The following CUX1 variants were observed in gnomAD, a reference collection of about 807,000 sequenced individuals.
CUX1 encodes protein CASP.
In CUX1, 31 loss-of-function variants were observed where a neutral mutation model predicts 158.8. The observed-to-expected ratio is 0.20, with a 90% CI of 0.15 to 0.26. The LOEUF (loss-of-function observed/expected upper bound fraction) is 0.26, where lower values mean the gene tolerates loss of function less well. Among genes scored for constraint, CUX1 ranks in the 10% least tolerant of loss-of-function variants. The probability of loss-of-function intolerance (pLI) is 1.00; values close to 1 mark genes in which losing one functional copy is unlikely to be tolerated. For synonymous variants in CUX1, 879 were observed against 862.1 expected, an observed-to-expected ratio of 1.02 and a Z score of -0.34; for missense variants, 1,589 against 2,014.6, an observed-to-expected ratio of 0.79 and a Z score of 4.04.
At chr7:101,901,797 G>A (rs1270337822) in intron 1 of CUX1, among the ~76,000 whole-genome samples, 3 of 152,218 alleles carry the variant, frequency 2.0e-5, no homozygotes, top group Non-Finnish European at 4.4e-5. Flanking sequence ...ACAGGCCCGC[G>A]GGTGGCTTCC....
intron 19 of CUX1, chr7:102,280,769 T>C (rs1398169877): frequency 6.2e-7 from 1 of 1,609,518 alleles, no homozygotes; most frequent in Non-Finnish European, 8.5e-7. Flanking sequence ...GTGAGGTCCT[T>C]TGGGGTCCTT....
intron 1 of CUX1, among the ~76,000 whole-genome samples, chr7:101,889,754 A>C (rs1029640289): frequency 1.3e-4 from 20 of 152,364 alleles, no homozygotes; most frequent in African/African-American, 4.8e-4. Context: ...CCTGGGCGAC[A>C]GAGCAAGACT....
At chr7:102,095,405 T>C (rs781965257) in intron 4 of CUX1, among the ~76,000 whole-genome samples, 30 of 152,170 alleles carry the variant, frequency 2.0e-4, no homozygotes, top group Non-Finnish European at 3.8e-4. Flanking sequence ...GATGCAATTA[T>C]AGGCTGTGTA....
Position 101,895,898 on chromosome 7 carries a change from TTTTGTTTTTG to T in CUX1, c.31-20213_31-20204del, listed in dbSNP as rs1368680216. 5.9e-4 allele frequency among the ~76,000 whole-genome samples: 39 copies of T among 65,744 alleles called. 4 individuals carry two copies. Among genetic ancestry groups the T allele is most frequent in the South Asian group, 2.1e-3 (3 of 1,452 alleles). The allele number at this position is 65,744 out of a possible 152,430, so 43.1% of individuals were successfully genotyped here. A position where few individuals can be genotyped will look rare whatever the true frequency, so the allele number is the denominator to read the frequency against. ...CCTTGTATCACCTGTAAAGTTTTTT[TTTTGTTTTTG>T]TTTTTTTTTTTTTTTTTTGGAGACA... On this transcript the variant is annotated intron_variant, in intron 1 of 23. Transcript: ENST00000292535.
chr7:102,182,845 G>A (rs1044216838), intron 11 of CUX1, among the ~76,000 whole-genome samples: 1 of 152,100 alleles, frequency 6.6e-6, no homozygotes, highest in South Asian at 2.1e-4. Context: ...CAATAGCTTC[G>A]ATTTAAAATA....
intron 20 of CUX1, among the ~76,000 whole-genome samples, chr7:102,211,306 C>A (rs1796490402): frequency 6.6e-6 from 1 of 151,572 alleles, no homozygotes; most frequent in South Asian, 2.1e-4. Context: ...ATAAGTCAGG[C>A]ATGGTGGCTT....
chr7:102,020,060 C>T (rs559798451), intron 2 of CUX1, among the ~76,000 whole-genome samples: 32 of 152,302 alleles, frequency 2.1e-4, no homozygotes, highest in African/African-American at 7.7e-4. Context: ...GAACAGTAAT[C>T]TAAATTGACT....
At chr7:102,021,173 T>C (rs1819293610) in intron 2 of CUX1, among the ~76,000 whole-genome samples, 2 of 152,228 alleles carry the variant, frequency 1.3e-5, no homozygotes, top group African/African-American at 4.8e-5. Flanking sequence ...GTCCCACCCC[T>C]GAACTGTCAC....
At chr7:102,277,521 G>A (rs563817262) in intron 17 of CUX1, among the ~76,000 whole-genome samples, 19 of 152,038 alleles carry the variant, frequency 1.2e-4, no homozygotes, top group South Asian at 6.2e-4. Flanking sequence ...GCTTGAACCC[G>A]GGAGGCAGAG....
At chr7:101,990,089 T>C (rs1310348069) in intron 2 of CUX1, among the ~76,000 whole-genome samples, 1 of 152,150 alleles carries the variant, frequency 6.6e-6, no homozygotes, top group East Asian at 1.9e-4. Context: ...GCGGGTGCAG[T>C]GGCTCACACC....
intron 1 of CUX1, chr7:101,819,066 G>A (rs1258841001): frequency 6.6e-6 from 1 of 152,148 alleles, no homozygotes; most frequent in African/African-American, 2.4e-5. Flanking sequence ...CTGCTGCCTT[G>A]GCACAGGAGT....
chr7:101,866,461 G>A (rs1212339665), intron 1 of CUX1, among the ~76,000 whole-genome samples: 11 of 150,694 alleles, frequency 7.3e-5, no homozygotes, highest in Admixed American at 6.6e-4. Context: ...TGAGTGAGAC[G>A]CTGTCTCAAC....
At chr7:102,152,292 G>A (rs1835778079) in intron 8 of CUX1, among the ~76,000 whole-genome samples, 1 of 152,156 alleles carries the variant, frequency 6.6e-6, no homozygotes, top group African/African-American at 2.4e-5. Flanking sequence ...AGAGTTGGAG[G>A]CTGCAGTGAG....
intron 2 of CUX1, among the ~76,000 whole-genome samples, chr7:101,951,964 C>T (rs1031122260): frequency 2.0e-5 from 3 of 152,164 alleles, no homozygotes; most frequent in South Asian, 2.1e-4. Context: ...AAATGGTGGG[C>T]GTGGCTGTAT....
chr7:102,188,834 AAAG>A (rs1442601184), intron 11 of CUX1: 2 of 151,954 alleles, frequency 1.3e-5, no homozygotes, highest in South Asian at 2.1e-4. Context: ...AAAAAAAAAA[AAAG>A]GATTAAAAAG....
chr7:101,910,805 T>C (rs998965961), intron 1 of CUX1, among the ~76,000 whole-genome samples: 2 of 152,084 alleles, frequency 1.3e-5, no homozygotes, highest in Non-Finnish European at 2.9e-5. Flanking sequence ...TAAATACTTA[T>C]TTGGGAAAAA....
chr7:102,275,370 T>C lies in CUX1; in HGVS notation c.1563+11T>C, dbSNP rs782464276. The C allele has an allele frequency of 3.7e-6, 6 of 1,602,400 alleles. No individual in the cohort carries two copies. In the South Asian group the frequency reaches 4.4e-5, roughly 12 times the overall value. On this transcript the variant is annotated intron_variant, in intron 17 of 22. Transcript: ENST00000292538. The stretch of plus-strand genomic sequence containing the variant: ...CAGGAGCTTGAGGCCGTGAGTCACA[T>C]CCTTCTCTCCCTGATGCTCCTTGGG...
intron 2 of CUX1, among the ~76,000 whole-genome samples, chr7:101,938,956 G>T (rs572165454): frequency 6.7e-6 from 1 of 149,646 alleles, no homozygotes; most frequent in African/African-American, 2.5e-5. Flanking sequence ...CAGGAGAATC[G>T]CTTGAACCTG....
intron 8 of CUX1, among the ~76,000 whole-genome samples, chr7:102,136,451 G>A (rs1554498802): frequency 6.6e-6 from 1 of 151,684 alleles, no homozygotes; most frequent in African/African-American, 2.4e-5. Context: ...GAGTGCAGTG[G>A]CACGATCTCA....
Sources: allele counts gnomAD v4.1 joint callset (sites outside exome capture counted in the v4.1 genomes callset), GRCh38; gene constraint gnomAD v4.1.1; transcripts MANE v1.5; gene names NCBI Gene and HGNC (gene_info 2026-07-23, HGNC 2026-07-21).